LRIF1: variants seen among roughly 807,000 people sequenced by gnomAD.
The protein encoded by LRIF1 is ligand dependent nuclear receptor interacting factor 1.
LRIF1 carries 32 observed loss-of-function variants against 52.7 expected under a neutral mutation model. The ratio of observed to expected loss-of-function variants is 0.61; its 90% CI spans 0.46 to 0.82. The LOEUF (loss-of-function observed/expected upper bound fraction) is 0.82. LRIF1 is among the 40% of genes least tolerant of loss of function. The pLI is 0.00. For synonymous variants in LRIF1, 323 were observed against 317.4 expected, an observed-to-expected ratio of 1.02 and a Z score of -0.19; for missense variants, 887 against 892.0, an observed-to-expected ratio of 0.99 and a Z score of 0.07.
downstream of LRIF1, among the ~76,000 whole-genome samples, chr1:110,946,052 T>C (rs999935473): frequency 2.6e-5 from 4 of 152,132 alleles, no homozygotes; most frequent in Admixed American, 1.3e-4. Context: ...TACACAAATA[T>C]ACACAGCAAC....
chr1:110,931,598 C>A, the LRIF1 span, among the ~76,000 whole-genome samples: 2 of 152,304 alleles, frequency 1.3e-5, no homozygotes, highest in South Asian at 2.1e-4. Flanking sequence ...TATACTCCCA[C>A]CAACAGTGTA....
intron 1 of LRIF1, among the ~76,000 whole-genome samples, chr1:110,955,851 A>T (rs1283581155): frequency 1.3e-5 from 2 of 152,252 alleles, no homozygotes; most frequent in Admixed American, 1.3e-4. Flanking sequence ...CAAGTGAGCC[A>T]GTTCAGGGAA....
At chr1:110,920,157 C>T in the LRIF1 span, among the ~76,000 whole-genome samples, 1 of 152,186 alleles carries the variant, frequency 6.6e-6, no homozygotes, top group East Asian at 1.9e-4. Context: ...TGAGCATGCT[C>T]TTACCGCATG....
Position 110,947,312 on chromosome 1 carries a change from C to A in LRIF1, c.*647G>T, listed in dbSNP as rs1383408631. The A allele has an allele frequency of 6.7e-6, 1 of 149,728 alleles. No individual in the cohort carries two copies. Among genetic ancestry groups the A allele is most frequent in the East Asian group, 1.9e-4 (1 of 5,140 alleles). The allele number at this position is 149,728 out of a possible 1,614,324, so 9.3% of individuals were successfully genotyped here. A position where few individuals can be genotyped will look rare whatever the true frequency, so the allele number is the denominator to read the frequency against. ...AAAAAGCAGCATTTGCCTGGGAACA[C>A]ATCACTATAAGCAAACAAAACATCA... On this transcript the variant is annotated 3_prime_UTR_variant, in exon 4 of 4. Transcript: ENST00000369763.
the LRIF1 span, among the ~76,000 whole-genome samples, chr1:110,888,353 T>C: frequency 6.6e-6 from 1 of 152,190 alleles, no homozygotes; most frequent in African/African-American, 2.4e-5. Flanking sequence ...CCTAGCTGCC[T>C]TGGTCTCCTC....
downstream of LRIF1, among the ~76,000 whole-genome samples, chr1:110,946,725 T>C (rs1183799198): frequency 7.2e-6 from 1 of 139,718 alleles, no homozygotes; most frequent in Non-Finnish European, 1.5e-5. Context: ...AGTGGCACAA[T>C]CTTGGCTCAC....
the LRIF1 span, among the ~76,000 whole-genome samples, chr1:110,903,572 T>C: frequency 6.6e-6 from 1 of 152,100 alleles, no homozygotes; most frequent in Non-Finnish European, 1.5e-5. Flanking sequence ...CCTGGCAACA[T>C]TCATCACCTG....
At position 110,952,011 on chromosome 1, in the gene LRIF1, C is replaced by A; in HGVS notation, c.873G>T (p.Trp291Cys). The A allele has an allele frequency of 6.2e-7, 1 of 1,614,152 alleles. No homozygotes were observed. Among genetic ancestry groups the A allele is most frequent in the Non-Finnish European group, 8.5e-7 (1 of 1,180,030 alleles). The change falls in exon 2 of 4, where the codon TGG becomes TGT. Residue 291 changes from tryptophan (W) to cysteine (C), a missense_variant. Trp to Cys is a radical substitution (Grantham distance 215, BLOSUM62 -2). Coordinates refer to ENST00000369763, the MANE Select transcript of LRIF1 (RefSeq NM_018372.4). ...AAGGCTGTAGATTATCTTGGAAAATCCATTTCACTGGAGCAGCTTGAGAAT... is the reference window on the plus strand; with the variant it reads ...AAGGCTGTAGATTATCTTGGAAAATACATTTCACTGGAGCAGCTTGAGAAT... The part of the protein sequence containing the change: ...GQHSQAAPVK[W>C]IFQDNLQPFT...
intron 1 of LRIF1, among the ~76,000 whole-genome samples, chr1:110,958,244 T>C (rs950361824): frequency 2.6e-5 from 4 of 152,356 alleles, no homozygotes; most frequent in Non-Finnish European, 5.9e-5. Flanking sequence ...GAATATGCCA[T>C]GTATATTACA....
chr1:110,958,118 A>T (rs1400045355), intron 1 of LRIF1, among the ~76,000 whole-genome samples: 1 of 152,220 alleles, frequency 6.6e-6, no homozygotes, highest in East Asian at 1.9e-4. Flanking sequence ...TTGCCAATTC[A>T]GCTGGACGCG....
At chr1:110,933,131 A>G in the LRIF1 span, among the ~76,000 whole-genome samples, 8,745 of 152,236 alleles carry the variant, frequency 0.057, 291 homozygotes, top group East Asian at 0.13. Context: ...ATTACAAAAT[A>G]TTTAATTACC....
downstream of LRIF1, chr1:110,943,380 G>T (rs1316189149): frequency 6.6e-6 from 1 of 152,088 alleles, no homozygotes; most frequent in Non-Finnish European, 1.5e-5. Context: ...AACATCAGAA[G>T]AAATACAGGT....
chr1:110,941,278 A>G, the LRIF1 span: 14 of 152,200 alleles, frequency 9.2e-5, no homozygotes, highest in South Asian at 2.3e-3. Context: ...AGTCACATGT[A>G]TATTTCTTAA....
chr1:110,899,486 C>T, the LRIF1 span: 22 of 292,884 alleles, frequency 7.5e-5, no homozygotes, highest in South Asian at 8.9e-4. Flanking sequence ...GATTTAATGG[C>T]CCAACATCAA....
At chr1:110,934,492 C>A in the LRIF1 span, among the ~76,000 whole-genome samples, 2 of 152,142 alleles carry the variant, frequency 1.3e-5, no homozygotes, top group Non-Finnish European at 2.9e-5. Flanking sequence ...TCAGGCTGGG[C>A]AAGATTCACC....
At chr1:110,912,195 T>C in the LRIF1 span, among the ~76,000 whole-genome samples, 2 of 152,072 alleles carry the variant, frequency 1.3e-5, no homozygotes, top group Non-Finnish European at 2.9e-5. Flanking sequence ...GCATTTCTTT[T>C]TTTTCTTTCT....
chr1:110,891,579 G>A, the LRIF1 span: 1 of 815,148 alleles, frequency 1.2e-6, no homozygotes, highest in Non-Finnish European at 2.1e-6. Flanking sequence ...GCGTGTTTGG[G>A]TCATGTCCAG....
At chr1:110,896,243 G>A in the LRIF1 span, among the ~76,000 whole-genome samples, 1 of 152,180 alleles carries the variant, frequency 6.6e-6, no homozygotes, top group Non-Finnish European at 1.5e-5. Flanking sequence ...AAAGTTTGAT[G>A]TGGTTTTTGT....
the LRIF1 span, chr1:110,892,549 A>C: frequency 1.1e-5 from 18 of 1,600,406 alleles, no homozygotes; most frequent in Non-Finnish European, 1.5e-5. Context: ...TCCTTACAGC[A>C]GATGTGGTGC....
Sources: allele counts gnomAD v4.1 joint callset (sites outside exome capture counted in the v4.1 genomes callset), GRCh38; gene constraint gnomAD v4.1.1; transcripts MANE v1.5; gene names NCBI Gene and HGNC (gene_info 2026-07-23, HGNC 2026-07-21).